The following RBFOX1 variants were observed in gnomAD, a reference collection of about 807,000 sequenced individuals.
The protein encoded by RBFOX1 is RNA binding protein fox-1 homolog 1.
Under a neutral mutation model 57.7 loss-of-function variants are expected in RBFOX1, and 8 were observed. That is an observed-to-expected ratio of 0.14 (90% CI 0.08 to 0.25). The LOEUF (loss-of-function observed/expected upper bound fraction) is 0.25, where lower values mean the gene tolerates loss of function less well. Among genes scored for constraint, RBFOX1 ranks in the 10% least tolerant of loss-of-function variants. The probability of loss-of-function intolerance (pLI) is 1.00; values close to 1 mark genes in which losing one functional copy is unlikely to be tolerated. For synonymous variants in RBFOX1, 326 were observed against 222.4 expected (o/e 1.47, Z -4.15); for missense variants, 611 against 548.5 (o/e 1.11, Z -1.14).
chr16:5,562,142 G>T (rs1447697447), intron 2 of RBFOX1, among the ~76,000 whole-genome samples: 2 of 152,168 alleles, frequency 1.3e-5, no homozygotes, highest in African/African-American at 4.8e-5. Flanking sequence ...AGGTTAGAAT[G>T]ACCTCTCATC....
chr16:6,063,062 C>T (rs912748753), intron 1 of RBFOX1, among the ~76,000 whole-genome samples: 3 of 152,152 alleles, frequency 2.0e-5, no homozygotes, highest in Non-Finnish European at 2.9e-5. Flanking sequence ...TGATAGATGT[C>T]ATTCACATCT....
intron 1 of RBFOX1, among the ~76,000 whole-genome samples, chr16:5,384,641 A>G (rs1383198554): frequency 6.6e-6 from 1 of 152,208 alleles, no homozygotes; most frequent in African/African-American, 2.4e-5. Context: ...GAAGTAGTTG[A>G]TAAAAATGAA....
At chr16:6,154,599 C>T (rs1200900951) in intron 1 of RBFOX1, among the ~76,000 whole-genome samples, 2 of 152,126 alleles carry the variant, frequency 1.3e-5, no homozygotes, top group Non-Finnish European at 2.9e-5. Flanking sequence ...GGCATTATTG[C>T]TGTTTATTTC....
At chr16:6,917,773 C>G (rs895193696) in intron 3 of RBFOX1, among the ~76,000 whole-genome samples, 1 of 152,182 alleles carries the variant, frequency 6.6e-6, no homozygotes, top group Non-Finnish European at 1.5e-5. Flanking sequence ...GCTTGTTCTC[C>G]TCCTCTGTGG....
chr16:7,280,457 T>TA (rs1228029588), intron 4 of RBFOX1, among the ~76,000 whole-genome samples: 5 of 152,138 alleles, frequency 3.3e-5, no homozygotes, highest in South Asian at 4.1e-4. Flanking sequence ...AAGAGAATAA[T>TA]AAGGTGTTGG....
chr16:6,457,764 G>A (rs1321478478), intron 2 of RBFOX1, among the ~76,000 whole-genome samples: 3 of 152,292 alleles, frequency 2.0e-5, no homozygotes, highest in Non-Finnish European at 2.9e-5. Context: ...CGTTTGATCT[G>A]CTTTAATGAC....
intron 2 of RBFOX1, among the ~76,000 whole-genome samples, chr16:6,447,148 C>G (rs1343795939): frequency 6.6e-6 from 1 of 152,116 alleles, no homozygotes; most frequent in Non-Finnish European, 1.5e-5. Flanking sequence ...GTCTATTGGA[C>G]TTTTTTTCCT....
chr16:5,856,277 A>C, intron 3 of RBFOX1, among the ~76,000 whole-genome samples: 1 of 27,912 alleles, frequency 3.6e-5, no homozygotes, highest in Admixed American at 6.9e-4. Flanking sequence ...ATATATACAC[A>C]TATATATACA....
intron 4 of RBFOX1, among the ~76,000 whole-genome samples, chr16:5,944,662 A>G (rs557381251): frequency 1.3e-5 from 2 of 151,426 alleles, no homozygotes; most frequent in South Asian, 2.1e-4. Flanking sequence ...CCTTAAGAGA[A>G]AGCTATTCTC....
chr16:6,453,447 C>T (rs2094685195), intron 2 of RBFOX1, among the ~76,000 whole-genome samples: 2 of 152,078 alleles, frequency 1.3e-5, no homozygotes, highest in Non-Finnish European at 2.9e-5. Flanking sequence ...TGGATAAATT[C>T]CTGGACACAT....
chr16:6,868,003 C>T (rs964756154), intron 3 of RBFOX1, among the ~76,000 whole-genome samples: 1 of 152,074 alleles, frequency 6.6e-6, no homozygotes, highest in Non-Finnish European at 1.5e-5. Flanking sequence ...TTCTGAGAAG[C>T]TGAAACTACT....
chr16:5,255,394 A>G (rs1382778081), intron 1 of RBFOX1, among the ~76,000 whole-genome samples: 2 of 151,706 alleles, frequency 1.3e-5, no homozygotes, highest in Non-Finnish European at 2.9e-5. Flanking sequence ...ACATGCATAC[A>G]TCCATCCACC....
chr16:5,779,980 G>T (rs1330909444), intron 3 of RBFOX1, among the ~76,000 whole-genome samples: 1 of 152,196 alleles, frequency 6.6e-6, no homozygotes, highest in Non-Finnish European at 1.5e-5. Flanking sequence ...TAAGAGTGCT[G>T]TATACCTTAA....
At chr16:5,591,989 T>G (rs1309859160) in intron 2 of RBFOX1, among the ~76,000 whole-genome samples, 1 of 152,256 alleles carries the variant, frequency 6.6e-6, no homozygotes, top group Non-Finnish European at 1.5e-5. Context: ...TCTTATAATT[T>G]CCATGCTTTA....
chr16:7,411,135 G>A (rs569943322), intron 4 of RBFOX1, among the ~76,000 whole-genome samples: 1 of 151,968 alleles, frequency 6.6e-6, no homozygotes, highest in East Asian at 1.9e-4. Context: ...TAGTAGAGAC[G>A]GGGTTTTGTC....
At chr16:5,504,774 C>A (rs1249621274) in intron 2 of RBFOX1, among the ~76,000 whole-genome samples, 3 of 152,148 alleles carry the variant, frequency 2.0e-5, no homozygotes, top group Non-Finnish European at 4.4e-5. Flanking sequence ...GAGGAGGATG[C>A]GGAGGCTTGG....
chr16:5,552,158 G>C (rs1042074475), intron 2 of RBFOX1, among the ~76,000 whole-genome samples: 2 of 152,096 alleles, frequency 1.3e-5, no homozygotes, highest in Non-Finnish European at 2.9e-5. Flanking sequence ...TAACGCAAGC[G>C]AGCTCTCAGC....
At chr16:5,470,752 C>G (rs1042019415) in intron 2 of RBFOX1, among the ~76,000 whole-genome samples, 1 of 152,130 alleles carries the variant, frequency 6.6e-6, no homozygotes, top group African/African-American at 2.4e-5. Flanking sequence ...GAACCCTGGT[C>G]TGTCCGCCTC....
At chr16:5,489,009 A>G (rs1001870900) in intron 2 of RBFOX1, among the ~76,000 whole-genome samples, 48 of 152,272 alleles carry the variant, frequency 3.2e-4, no homozygotes, top group African/African-American at 1.2e-3. Context: ...CCTTTCTGTC[A>G]TTTTCTGCAT....
Sources: gnomAD v4.1 joint callset for allele counts (sites outside exome capture counted in the v4.1 genomes callset) on GRCh38, gnomAD v4.1.1 for gene constraint, MANE v1.5 for transcripts, NCBI Gene and HGNC (gene_info 2026-07-23, HGNC 2026-07-21) for gene names.